The following RBMS3 variants were observed in gnomAD, a reference collection of about 807,000 sequenced individuals.
RBMS3 encodes the protein RNA-binding motif, single-stranded-interacting protein 3.
Under a neutral mutation model 66.8 loss-of-function variants are expected in RBMS3, and 27 were observed. The observed-to-expected ratio is 0.40, with a 90% CI of 0.30 to 0.56. The LOEUF is 0.56. Among genes scored for constraint, RBMS3 ranks in the 20% least tolerant of loss-of-function variants. RBMS3 has a pLI of 0.40. For missense variants in RBMS3, 513 were observed against 549.5 expected, an observed-to-expected ratio of 0.93 and a Z score of 0.66; for synonymous variants, 188 against 183.0, an observed-to-expected ratio of 1.03 and a Z score of -0.22.
chr3:29,790,083 A>G (rs1354891598), intron 6 of RBMS3, among the ~76,000 whole-genome samples: 1 of 152,164 alleles, frequency 6.6e-6, no homozygotes, highest in Non-Finnish European at 1.5e-5. Flanking sequence ...CAATCCAAAC[A>G]TCTGGAGATC....
At chr3:29,829,723 C>T (rs1234570913) in intron 6 of RBMS3, among the ~76,000 whole-genome samples, 1 of 152,036 alleles carries the variant, frequency 6.6e-6, no homozygotes, top group Non-Finnish European at 1.5e-5. Flanking sequence ...TATAAAAATT[C>T]CTATCACATT....
chr3:29,907,967 G>A (rs1482195365), intron 10 of RBMS3, among the ~76,000 whole-genome samples: 1 of 151,976 alleles, frequency 6.6e-6, no homozygotes, highest in Non-Finnish European at 1.5e-5. Flanking sequence ...GTTAAGGTTG[G>A]CCCGGTGTGG....
At chr3:29,802,648 C>T (rs1054980712) in intron 6 of RBMS3, among the ~76,000 whole-genome samples, 4 of 152,106 alleles carry the variant, frequency 2.6e-5, no homozygotes. Flanking sequence ...TGTTTATGCC[C>T]TATTTATAAC....
intron 1 of RBMS3, among the ~76,000 whole-genome samples, chr3:29,348,187 A>T (rs1448333803): frequency 6.6e-6 from 1 of 152,176 alleles, no homozygotes; most frequent in Non-Finnish European, 1.5e-5. Context: ...TTTATCAATA[A>T]AGTTGGAAAT....
intron 2 of RBMS3, among the ~76,000 whole-genome samples, chr3:29,439,412 G>A (rs2041527241): frequency 6.6e-6 from 1 of 152,106 alleles, no homozygotes. Flanking sequence ...TCAGAGAAGA[G>A]GGTGTGAGAA....
intron 5 of RBMS3, among the ~76,000 whole-genome samples, chr3:29,759,897 G>A (rs149609812): frequency 4.6e-5 from 7 of 152,058 alleles, no homozygotes; most frequent in Admixed American, 2.6e-4. Flanking sequence ...GTGGTGCAGC[G>A]TAACATGGTT....
intron 4 of RBMS3, among the ~76,000 whole-genome samples, chr3:29,667,680 TC>T (rs2050822161): frequency 6.6e-6 from 1 of 152,194 alleles, no homozygotes; most frequent in African/African-American, 2.4e-5. Context: ...GAAATGACAT[TC>T]TGCTAGCAAC....
chr3:29,832,390 G>A (rs186634591), intron 6 of RBMS3, among the ~76,000 whole-genome samples: 8 of 152,278 alleles, frequency 5.3e-5, no homozygotes, highest in African/African-American at 1.9e-4. Flanking sequence ...CACTGATTTT[G>A]ATAAGTACCA....
intron 2 of RBMS3, among the ~76,000 whole-genome samples, chr3:29,449,436 G>T (rs1353816268): frequency 6.6e-6 from 1 of 152,168 alleles, no homozygotes; most frequent in East Asian, 1.9e-4. Context: ...ATTTACCAAT[G>T]TGATATAAAT....
chr3:29,994,645 A>AC, intron 14 of RBMS3, among the ~76,000 whole-genome samples: 1 of 152,254 alleles, frequency 6.6e-6, no homozygotes, highest in Non-Finnish European at 1.5e-5. Context: ...ACTGGGAGGC[A>AC]CCCCCCAGCA....
Position 30,003,884 on chromosome 3 carries a change from C to G in RBMS3, c.*22C>G. On this transcript the variant is annotated 3_prime_UTR_variant, in exon 15 of 15. Transcript: ENST00000383767. ...ATAAACAGGACTGAAGAATGTCTGT[C>G]TGAATCTTTGCCTTGAATGAAGAAA... 3 of 1,444,570 alleles carry G rather than the reference C, an allele frequency of 2.1e-6. No individual in the cohort carries two copies. The highest frequency in any genetic ancestry group is 2.8e-6 in the Non-Finnish European group (3 of 1,090,794). 89.5% of individuals were successfully genotyped at this position (1,444,570 alleles called of 1,614,324 possible). A position where few individuals can be genotyped will look rare whatever the true frequency, so the allele number is the denominator to read the frequency against.
chr3:29,371,969 A>G lies in RBMS3; in HGVS notation c.76-62774A>G, dbSNP rs565151207. ...ATTTGAACATTTTTAAGTAACAAGC[A>G]TGTATCAACATTCTGTTTGATGGGA... is the stretch of plus-strand genomic sequence containing the variant. On this transcript the variant is annotated intron_variant, in intron 1 of 14. Transcript: ENST00000383767. 5.3e-5 allele frequency among the ~76,000 whole-genome samples: 8 copies of G among 152,318 alleles called. No homozygotes were observed. In the East Asian group the frequency reaches 1.5e-3, roughly 29 times the overall value.
At chr3:29,593,987 A>G (rs1545635) in intron 4 of RBMS3, among the ~76,000 whole-genome samples, 22,625 of 152,198 alleles carry the variant, frequency 0.15, 1,935 homozygotes, top group East Asian at 0.32. Flanking sequence ...TTTAGGTACA[A>G]TGGTCAGGAA....
chr3:29,936,937 A>G (rs1054042966), intron 11 of RBMS3, among the ~76,000 whole-genome samples: 1 of 152,100 alleles, frequency 6.6e-6, no homozygotes, highest in East Asian at 1.9e-4. Flanking sequence ...CTGAAACTTC[A>G]TTAGTTGCCA....
intron 1 of RBMS3, among the ~76,000 whole-genome samples, chr3:29,426,901 T>C (rs2040981469): frequency 6.6e-6 from 1 of 152,212 alleles, no homozygotes; most frequent in Non-Finnish European, 1.5e-5. Context: ...ATTTGACACA[T>C]AATTTATACA....
intron 3 of RBMS3, among the ~76,000 whole-genome samples, chr3:29,582,786 A>T (rs2149086667): frequency 6.6e-6 from 1 of 152,294 alleles, no homozygotes; most frequent in Middle Eastern, 3.4e-3. Context: ...CTTTAGGGGC[A>T]GTCTCCTATT....
intron 3 of RBMS3, among the ~76,000 whole-genome samples, chr3:29,527,631 A>G (rs1284065393): frequency 2.0e-5 from 3 of 152,202 alleles, no homozygotes; most frequent in African/African-American, 7.2e-5. Context: ...GCAAAATGTC[A>G]CTCAAAGAAA....
At chr3:29,659,455 A>C (rs973757543) in intron 4 of RBMS3, among the ~76,000 whole-genome samples, 2 of 152,168 alleles carry the variant, frequency 1.3e-5, no homozygotes, top group Non-Finnish European at 2.9e-5. Flanking sequence ...ACTACTTTTC[A>C]TACATTATAT....
At chr3:29,603,061 T>G (rs2048201368) in intron 4 of RBMS3, among the ~76,000 whole-genome samples, 1 of 152,002 alleles carries the variant, frequency 6.6e-6, no homozygotes, top group Non-Finnish European at 1.5e-5. Flanking sequence ...GGATTACTGT[T>G]GCTTTTCCAG....
Sources: gnomAD v4.1 joint callset for allele counts (sites outside exome capture counted in the v4.1 genomes callset) on GRCh38, gnomAD v4.1.1 for gene constraint, MANE v1.5 for transcripts, NCBI Gene and HGNC (gene_info 2026-07-23, HGNC 2026-07-21) for gene names.